The following GRIP1 variants were observed in gnomAD, a reference collection of about 807,000 sequenced individuals.
GRIP1 encodes the protein glutamate receptor interacting protein 1.
GRIP1 carries 45 observed loss-of-function variants against 129.9 expected under a neutral mutation model. That is an observed-to-expected ratio of 0.35 (90% CI 0.27 to 0.44). GRIP1 has a LOEUF of 0.44. Ranked by LOEUF, GRIP1 falls within the 20% of genes least tolerant of loss-of-function variation. The pLI is 1.00. For synonymous variants in GRIP1, 530 were observed against 520.8 expected (o/e 1.02, Z -0.24); for missense variants, 1,196 against 1,396.8 (o/e 0.86, Z 2.29).
chr12:66,649,860 G>A (rs978517004), intron 1 of GRIP1, among the ~76,000 whole-genome samples: 2 of 152,152 alleles, frequency 1.3e-5, no homozygotes, highest in Admixed American at 1.3e-4. Context: ...AGATTTCCTT[G>A]GGCTCCTTTC....
intron 5 of GRIP1, among the ~76,000 whole-genome samples, chr12:66,528,223 C>G (rs1383608411): frequency 6.7e-6 from 1 of 148,682 alleles, no homozygotes; most frequent in East Asian, 2.0e-4. Context: ...CAAGCTCCAC[C>G]TCCCGGGTTC....
At chr12:67,028,829 TAATTAAGTC>T (rs927532188) in intron 1 of GRIP1, among the ~76,000 whole-genome samples, 30 of 152,280 alleles carry the variant, frequency 2.0e-4, no homozygotes, top group Non-Finnish European at 3.7e-4. Context: ...ATTTTTAAAT[TAATTAAGTC>T]AAGAGCATTT....
intron 23 of GRIP1, among the ~76,000 whole-genome samples, chr12:66,359,550 G>C (rs1216447044): frequency 6.6e-6 from 1 of 152,196 alleles, no homozygotes; most frequent in East Asian, 1.9e-4. Flanking sequence ...ACAGTTATTG[G>C]CAAAGAGCCT....
In GRIP1 at chr12:66,546,263, G is replaced by A. The variant is rs554449780; in HGVS notation, c.137-4313C>T. On this transcript the variant is annotated intron_variant, in intron 2 of 24. Coordinates refer to ENST00000359742, the MANE Select transcript of GRIP1 (RefSeq NM_001366722.1). The stretch of plus-strand genomic sequence containing the variant: ...CCAGCACTTTGAGAGGCTGAGAGGG[G>A]AGAATCATTTGAGACCAGGTGTTCA... 2.2e-4 allele frequency among the ~76,000 whole-genome samples: 33 copies of A among 152,216 alleles called. No homozygotes were observed. The South Asian group carries it at 6.6e-3, about 31-fold the overall frequency.
intron 2 of GRIP1, among the ~76,000 whole-genome samples, chr12:66,587,739 G>T (rs1003860350): frequency 6.6e-6 from 1 of 152,210 alleles, no homozygotes; most frequent in Non-Finnish European, 1.5e-5. Context: ...GCAAAAAGGA[G>T]AATGCAGCGA....
chr12:66,449,432 TAGG>T (rs10559099), intron 11 of GRIP1, among the ~76,000 whole-genome samples: 32,131 of 151,912 alleles, frequency 0.21, 7,470 homozygotes, highest in African/African-American at 0.56. Flanking sequence ...ATCATTTGTC[TAGG>T]AGGAGTAAGA....
At chr12:66,677,048 G>A (rs1045637735) in intron 1 of GRIP1, among the ~76,000 whole-genome samples, 1 of 152,154 alleles carries the variant, frequency 6.6e-6, no homozygotes, top group Non-Finnish European at 1.5e-5. Context: ...ATTCTGCAAA[G>A]AGATTTTATT....
chr12:66,769,567 C>T (rs775169686), intron 1 of GRIP1, among the ~76,000 whole-genome samples: 28 of 152,032 alleles, frequency 1.8e-4, no homozygotes, highest in Non-Finnish European at 3.7e-4. Context: ...GACAAGGGCA[C>T]GGGTACCATT....
At chr12:66,374,096 T>A (rs1246651553) in intron 22 of GRIP1, among the ~76,000 whole-genome samples, 1 of 152,222 alleles carries the variant, frequency 6.6e-6, no homozygotes, top group African/African-American at 2.4e-5. Flanking sequence ...ATACCCTTTT[T>A]AAGTTGATTG....
intron 13 of GRIP1, among the ~76,000 whole-genome samples, chr12:66,437,880 G>A (rs1170341704): frequency 6.6e-6 from 1 of 152,204 alleles, no homozygotes; most frequent in African/African-American, 2.4e-5. Context: ...TGAAGAGTCA[G>A]TGCAGTGTGA....
chr12:66,408,450 C>T (rs181284075), intron 15 of GRIP1, among the ~76,000 whole-genome samples: 2 of 152,066 alleles, frequency 1.3e-5, no homozygotes, highest in Non-Finnish European at 2.9e-5. Flanking sequence ...GCACTCCAGC[C>T]TGGGCAACAG....
chr12:66,474,420 T>G (rs1010557779), intron 7 of GRIP1, among the ~76,000 whole-genome samples: 1 of 152,106 alleles, frequency 6.6e-6, no homozygotes, highest in South Asian at 2.1e-4. Flanking sequence ...TATTATCCAG[T>G]AGAACTTACC....
intron 1 of GRIP1, among the ~76,000 whole-genome samples, chr12:66,818,565 A>T (rs751524964): frequency 6.6e-6 from 1 of 152,196 alleles, no homozygotes; most frequent in Non-Finnish European, 1.5e-5. Flanking sequence ...CATTTCATTA[A>T]GTGTTTTTTT....
chr12:66,675,565 C>T (rs2034288286), intron 1 of GRIP1, among the ~76,000 whole-genome samples: 1 of 152,156 alleles, frequency 6.6e-6, no homozygotes, highest in Admixed American at 6.5e-5. Flanking sequence ...TAGCCCCTAG[C>T]TGAGAAACCA....
At chr12:66,951,418 T>C (rs1279508090) in intron 1 of GRIP1, among the ~76,000 whole-genome samples, 4 of 152,120 alleles carry the variant, frequency 2.6e-5, no homozygotes, top group East Asian at 3.9e-4. Flanking sequence ...ACAGGGCACA[T>C]TTCTGAGAAC....
At chr12:66,830,900 ACAGTGGCGTGAT>A (rs2039505131) in intron 1 of GRIP1, among the ~76,000 whole-genome samples, 1 of 149,636 alleles carries the variant, frequency 6.7e-6, no homozygotes, top group South Asian at 2.1e-4. Context: ...AGGTTGGAGT[ACAGTGGCGTGAT>A]CATGGCTCAC....
At chr12:66,508,722 C>A (rs1044283733) in intron 7 of GRIP1, among the ~76,000 whole-genome samples, 1 of 152,124 alleles carries the variant, frequency 6.6e-6, no homozygotes, top group African/African-American at 2.4e-5. Context: ...TATTTGAAAG[C>A]TACTAAGATC....
At chr12:66,349,584 T>C (rs2054128987) in intron 24 of GRIP1, among the ~76,000 whole-genome samples, 1 of 152,204 alleles carries the variant, frequency 6.6e-6, no homozygotes, top group South Asian at 2.1e-4. Context: ...GTTAAGAGCT[T>C]TGCCTTAGAT....
At chr12:66,974,437 G>T (rs901363279) in intron 1 of GRIP1, among the ~76,000 whole-genome samples, 2 of 152,034 alleles carry the variant, frequency 1.3e-5, no homozygotes, top group African/African-American at 4.8e-5. Context: ...GCTTCATGAA[G>T]GCAGGAATTT....
Sources: allele counts gnomAD v4.1 joint callset (sites outside exome capture counted in the v4.1 genomes callset), GRCh38; gene constraint gnomAD v4.1.1; transcripts MANE v1.5; gene names NCBI Gene and HGNC (gene_info 2026-07-23, HGNC 2026-07-21).